OR6N1: variants seen among roughly 807,000 people sequenced by gnomAD.
The protein encoded by OR6N1 is olfactory receptor 6N1.
For synonymous variants in OR6N1, 170 were observed against 150.7 expected, an observed-to-expected ratio of 1.13 and a Z score of -0.94; for missense variants, 394 against 371.7, an observed-to-expected ratio of 1.06 and a Z score of -0.49.
chr1:158,790,399 A>G, the OR6N1 span, among the ~76,000 whole-genome samples: 2 of 124,544 alleles, frequency 1.6e-5, no homozygotes, highest in Non-Finnish European at 1.6e-5. Context: ...TTTGATAGGG[A>G]ATTTTTTTTT....
chr1:158,773,495 TC>T (rs1657474736), upstream of OR6N1, among the ~76,000 whole-genome samples: 1 of 152,148 alleles, frequency 6.6e-6, no homozygotes, highest in South Asian at 2.1e-4. Flanking sequence ...TCTGCTACCC[TC>T]CCCTCCAAAT....
At chr1:158,838,267 G>A in the OR6N1 span, among the ~76,000 whole-genome samples, 2 of 151,942 alleles carry the variant, frequency 1.3e-5, no homozygotes, top group African/African-American at 2.4e-5. Flanking sequence ...TTTTAAGGTA[G>A]ATATAGTGGT....
the OR6N1 span, among the ~76,000 whole-genome samples, chr1:158,827,986 G>T: frequency 1.3e-5 from 2 of 152,158 alleles, no homozygotes; most frequent in Admixed American, 6.6e-5. Context: ...GAGAGCTTAT[G>T]CAGGGCAACT....
the OR6N1 span, among the ~76,000 whole-genome samples, chr1:158,802,953 T>A: frequency 6.6e-5 from 10 of 152,198 alleles, no homozygotes; most frequent in Non-Finnish European, 1.2e-4. Flanking sequence ...GGGCATGTAC[T>A]TAGATGGATA....
chr1:158,789,657 T>A, the OR6N1 span, among the ~76,000 whole-genome samples: 4 of 152,174 alleles, frequency 2.6e-5, no homozygotes, highest in Admixed American at 2.0e-4. Context: ...TCCATTCAGA[T>A]TTTTTTGCCC....
chr1:158,821,696 T>A, the OR6N1 span, among the ~76,000 whole-genome samples: 1 of 152,220 alleles, frequency 6.6e-6, no homozygotes, highest in African/African-American at 2.4e-5. Flanking sequence ...TGAAGGACAT[T>A]TAATTGCTTC....
At chr1:158,835,828 C>G in the OR6N1 span, among the ~76,000 whole-genome samples, 1 of 151,844 alleles carries the variant, frequency 6.6e-6, no homozygotes, top group African/African-American at 2.4e-5. Context: ...GTGTTTCTAA[C>G]ATGAAAGGCT....
chr1:158,822,799 G>A, the OR6N1 span, among the ~76,000 whole-genome samples: 1 of 152,150 alleles, frequency 6.6e-6, no homozygotes, highest in Non-Finnish European at 1.5e-5. Context: ...TTTTCAAAGG[G>A]AATGCTTCCA....
At chr1:158,814,886 G>T in the OR6N1 span, among the ~76,000 whole-genome samples, 1 of 152,106 alleles carries the variant, frequency 6.6e-6, no homozygotes, top group Non-Finnish European at 1.5e-5. Flanking sequence ...ACACACTGAG[G>T]TATACAGAAA....
the OR6N1 span, among the ~76,000 whole-genome samples, chr1:158,810,786 T>C: frequency 6.6e-6 from 1 of 152,218 alleles, no homozygotes; most frequent in Non-Finnish European, 1.5e-5. Context: ...TACTCCCTTC[T>C]GGTAAGAACA....
rs1435413058 is a variant in OR6N1 at position 158,764,370 on chromosome 1, T to C, written c.*1374A>G. 1 of 151,410 alleles carries C rather than the reference T, an allele frequency of 6.6e-6. No homozygotes were observed. Among genetic ancestry groups the C allele is most frequent in the Non-Finnish European group, 1.5e-5 (1 of 67,812 alleles). The allele number at this position is 151,410 out of a possible 1,614,324, so 9.4% of individuals were successfully genotyped here. On this transcript the variant is annotated 3_prime_UTR_variant, in exon 2 of 2. Coordinates refer to ENST00000641846, the MANE Select transcript of OR6N1 (RefSeq NM_001005185.2). The stretch of plus-strand genomic sequence containing the variant: ...AATTATAATTAATTATAACTAATTA[T>C]AAATTAATTATAATTTTAATATTTA...
At chr1:158,794,380 G>A in the OR6N1 span, among the ~76,000 whole-genome samples, 1 of 152,070 alleles carries the variant, frequency 6.6e-6, no homozygotes, top group Non-Finnish European at 1.5e-5. Context: ...TCTCTCTCAT[G>A]GGATGATCTC....
At chr1:158,770,853 C>T (rs139924782) in intron 1 of OR6N1, among the ~76,000 whole-genome samples, 1 of 152,246 alleles carries the variant, frequency 6.6e-6, no homozygotes, top group East Asian at 1.9e-4. Flanking sequence ...GCTTCCTGAC[C>T]CATAAGACAG....
the OR6N1 span, chr1:158,831,424 T>C: frequency 2.0e-5 from 3 of 152,222 alleles, no homozygotes; most frequent in African/African-American, 7.2e-5. Context: ...TTAGCTTTCA[T>C]TTCTCAGCCC....
At chr1:158,829,556 C>T in the OR6N1 span, among the ~76,000 whole-genome samples, 17 of 152,324 alleles carry the variant, frequency 1.1e-4, no homozygotes, top group African/African-American at 4.1e-4. Context: ...TCACTATCAG[C>T]ATTTTTGTCA....
the OR6N1 span, among the ~76,000 whole-genome samples, chr1:158,778,435 A>G: frequency 6.6e-6 from 1 of 152,190 alleles, no homozygotes; most frequent in South Asian, 2.1e-4. Context: ...TTTCAGACAA[A>G]AATAAAAGCA....
chr1:158,828,751 G>C, the OR6N1 span, among the ~76,000 whole-genome samples: 1 of 152,210 alleles, frequency 6.6e-6, no homozygotes, highest in Non-Finnish European at 1.5e-5. Flanking sequence ...AGGGTCTCCA[G>C]CCCCACGTTT....
At chr1:158,804,414 A>C in the OR6N1 span, among the ~76,000 whole-genome samples, 1 of 152,194 alleles carries the variant, frequency 6.6e-6, no homozygotes, top group African/African-American at 2.4e-5. Context: ...GTTATTGACA[A>C]AGTTAAACCA....
chr1:158,782,434 C>A, the OR6N1 span, among the ~76,000 whole-genome samples: 1 of 152,082 alleles, frequency 6.6e-6, no homozygotes, highest in African/African-American at 2.4e-5. Flanking sequence ...CAAGGCCTTC[C>A]AGCAAAAGAA....
Sources: gnomAD v4.1 joint callset for allele counts (sites outside exome capture counted in the v4.1 genomes callset) on GRCh38, gnomAD v4.1.1 for gene constraint, MANE v1.5 for transcripts, NCBI Gene and HGNC (gene_info 2026-07-23, HGNC 2026-07-21) for gene names.